ARID1B: variants seen among roughly 807,000 people sequenced by gnomAD.
The protein encoded by ARID1B is AT-rich interactive domain-containing protein 1B.
Under a neutral mutation model 212.3 loss-of-function variants are expected in ARID1B, and 30 were observed. The observed-to-expected ratio is 0.14, with a 90% CI of 0.11 to 0.19. The LOEUF (loss-of-function observed/expected upper bound fraction) is 0.19. Ranked by LOEUF, ARID1B falls within the 10% of genes least tolerant of loss-of-function variation. The probability of loss-of-function intolerance (pLI) is 1.00; values close to 1 mark genes in which losing one functional copy is unlikely to be tolerated. For synonymous variants in ARID1B, 1,402 were observed against 1,301.7 expected (o/e 1.08, Z -1.66); for missense variants, 2,891 against 3,204.0 (o/e 0.90, Z 2.36).
chr6:157,201,418 T>C lies in ARID1B; in HGVS notation c.5193T>C (p.Phe1731=), dbSNP rs1188905429. 5 of 1,566,556 alleles carry C rather than the reference T, an allele frequency of 3.2e-6. No homozygotes were observed. In the African/African-American group the frequency reaches 5.4e-5, roughly 17 times the overall value. The change falls in exon 18 of 20, where the codon TTT becomes TTC. Residue 1731 remains phenylalanine (F), a synonymous_variant. Coordinates refer to ENST00000636930, the MANE Select transcript of ARID1B (RefSeq NM_001374828.1). This position sits in a 1 kb window ranked among gnomAD's most constrained non-coding sequence, Gnocchi z 5.2. ...CCCCAATCAGAAGGGAGATCACCTT[T>C]CCTCCTGGCTCAGTAGAAGCATCAC... is the stretch of plus-strand genomic sequence containing the variant. ...QPPPIRREIT[F]PPGSVEASQP... is the part of the protein sequence containing the mutation.
At chr6:156,794,329 A>G (rs1010118632) in intron 1 of ARID1B, among the ~76,000 whole-genome samples, 1 of 151,588 alleles carries the variant, frequency 6.6e-6, no homozygotes, top group Admixed American at 6.6e-5. Flanking sequence ...AGCTCACTGC[A>G]ACCTTGAATT....
intron 2 of ARID1B, among the ~76,000 whole-genome samples, chr6:156,856,199 T>C (rs981309021): frequency 2.6e-5 from 4 of 152,212 alleles, no homozygotes; most frequent in Admixed American, 1.3e-4. Context: ...GCGAACTTAC[T>C]GCAGGTGCCA....
intron 5 of ARID1B, among the ~76,000 whole-genome samples, chr6:157,103,446 G>T (rs976722912): frequency 1.3e-5 from 2 of 152,184 alleles, no homozygotes; most frequent in East Asian, 1.9e-4. Context: ...ATCGTAGAAC[G>T]TGGCACTTGT....
At chr6:156,877,836 A>C (rs2128160086) in intron 2 of ARID1B, among the ~76,000 whole-genome samples, 1 of 151,446 alleles carries the variant, frequency 6.6e-6, no homozygotes, top group South Asian at 2.1e-4. Context: ...CAGCCTCCTG[A>C]GTATCTGGGA....
intron 3 of ARID1B, among the ~76,000 whole-genome samples, chr6:156,932,637 TA>T (rs1271752854): frequency 2.0e-5 from 3 of 152,190 alleles, no homozygotes; most frequent in African/African-American, 7.2e-5. Flanking sequence ...GAGATGAAAA[TA>T]AGTATGTACC....
chr6:157,172,051 G>T (rs1562321694), intron 9 of ARID1B, among the ~76,000 whole-genome samples: 1 of 152,156 alleles, frequency 6.6e-6, no homozygotes, highest in Non-Finnish European at 1.5e-5. Context: ...AATTGTTTTG[G>T]CTGTCATTCC....
intron 1 of ARID1B, among the ~76,000 whole-genome samples, chr6:156,819,443 A>T (rs1046040330): frequency 9.9e-5 from 15 of 152,220 alleles, no homozygotes; most frequent in African/African-American, 3.6e-4. Flanking sequence ...TGTTCATAAA[A>T]TTATTACATT....
intron 4 of ARID1B, among the ~76,000 whole-genome samples, chr6:156,986,718 A>G (rs1013368631): frequency 2.0e-5 from 3 of 152,154 alleles, no homozygotes; most frequent in African/African-American, 7.2e-5. Context: ...TACACAGACT[A>G]CAGTATAGTT....
At chr6:156,791,155 G>C (rs1180707853) in intron 1 of ARID1B, among the ~76,000 whole-genome samples, 1 of 152,214 alleles carries the variant, frequency 6.6e-6, no homozygotes, top group Non-Finnish European at 1.5e-5. Flanking sequence ...CAGCTGTTAA[G>C]ATATTTGAGC....
intron 4 of ARID1B, among the ~76,000 whole-genome samples, chr6:157,035,330 A>G (rs1781263655): frequency 6.6e-6 from 1 of 152,226 alleles, no homozygotes; most frequent in African/African-American, 2.4e-5. Flanking sequence ...TGTAATTCAC[A>G]AGCAAATGTC....
At chr6:156,807,103 G>A (rs954705912) in intron 1 of ARID1B, among the ~76,000 whole-genome samples, 2 of 152,068 alleles carry the variant, frequency 1.3e-5, no homozygotes, top group African/African-American at 2.4e-5. Context: ...GACAGCGTGC[G>A]TTTTTCCATT....
intron 4 of ARID1B, among the ~76,000 whole-genome samples, chr6:157,004,890 C>CTTTTTTTTTTTTTTTTTTTTTTTTTTT (rs1779118895): frequency 2.8e-5 from 1 of 35,688 alleles, no homozygotes; most frequent in African/African-American, 6.5e-5. Context: ...TTTTCTTCTT[C>CTTTTTTTTTTTTTTTTTTTTTTTTTTT]TTTTTTCTTT....
chr6:156,826,063 C>T (rs1023228117), intron 1 of ARID1B, among the ~76,000 whole-genome samples: 8 of 152,172 alleles, frequency 5.3e-5, no homozygotes, highest in Admixed American at 3.9e-4. Flanking sequence ...AATGTACTGT[C>T]GTTTAATTTC....
intron 13 of ARID1B, among the ~76,000 whole-genome samples, chr6:157,188,634 G>A (rs897814733): frequency 7.2e-5 from 11 of 152,174 alleles, no homozygotes; most frequent in African/African-American, 1.7e-4. Flanking sequence ...GGTTCTGCAC[G>A]TTTTTATCAG....
rs1778858513 is a variant in ARID1B, at chr6:156,778,514, G to A, written c.834G>A (p.Pro278=). 4.0e-6 allele frequency: 5 copies of A among 1,237,464 alleles called. No individual in the cohort carries two copies. The highest frequency in any genetic ancestry group is 5.0e-6 in the Non-Finnish European group (5 of 993,762). The allele number at this position is 1,237,464 out of a possible 1,614,324, so 76.7% of individuals were successfully genotyped here. The change falls in exon 1 of 20, where the codon CCG becomes CCA. Residue 278 remains proline (P), a synonymous_variant. Transcript: ENST00000636930. Reference sequence around the variant, plus strand: ...ACGCGCCGCCCAAGATGGGGGAGCCGGCGGGCGGCCGCTACGAGCACCCGG... The same window carrying A: ...ACGCGCCGCCCAAGATGGGGGAGCCAGCGGGCGGCCGCTACGAGCACCCGG... ...EDDAPPKMGE[P]AGGRYEHPGL...
chr6:156,989,384 G>C (rs1362584821), intron 4 of ARID1B, among the ~76,000 whole-genome samples: 1 of 152,208 alleles, frequency 6.6e-6, no homozygotes, highest in Non-Finnish European at 1.5e-5. Context: ...CCAAGCAAAA[G>C]AGAAGATAAT....
intron 2 of ARID1B, among the ~76,000 whole-genome samples, chr6:156,888,800 G>A (rs1020187701): frequency 2.6e-5 from 4 of 152,066 alleles, no homozygotes; most frequent in Admixed American, 6.6e-5. Context: ...TTCTTTCCAC[G>A]TATCCTATGA....
At chr6:156,950,922 A>G (rs1441151496) in intron 4 of ARID1B, among the ~76,000 whole-genome samples, 3 of 152,222 alleles carry the variant, frequency 2.0e-5, no homozygotes, top group Admixed American at 1.3e-4. Flanking sequence ...AATATAATTG[A>G]TGCAATTTTA....
Position 157,139,730 on chromosome 6 carries a change from T to A in ARID1B, c.2761+6523T>A, listed in dbSNP as rs549463793. 6.3e-4 allele frequency among the ~76,000 whole-genome samples: 95 copies of A among 151,548 alleles called. No homozygotes were observed. In the South Asian group the frequency reaches 1.0e-2, roughly 16 times the overall value. ...GAGAGCTATATATATAATTATTATTTTTTTTTTTTGAAGATGGAGTTTTGC... is the reference window on the plus strand; with the variant it reads ...GAGAGCTATATATATAATTATTATTATTTTTTTTTGAAGATGGAGTTTTGC... On this transcript the variant is annotated intron_variant, in intron 7 of 19. Transcript: ENST00000636930.
Sources: allele counts gnomAD v4.1 joint callset (sites outside exome capture counted in the v4.1 genomes callset), GRCh38; gene constraint gnomAD v4.1.1; non-coding constraint Gnocchi (gnomAD v3.1); transcripts MANE v1.5; gene names NCBI Gene and HGNC (gene_info 2026-07-23, HGNC 2026-07-21).